DEPDC1B: variants seen among roughly 807,000 people sequenced by gnomAD.
The protein encoded by DEPDC1B is DEP domain containing 1B, also known as DEP domain-containing protein 1B.
DEPDC1B carries 51 observed loss-of-function variants against 66.5 expected under a neutral mutation model. That is an observed-to-expected ratio of 0.77 (90% confidence interval 0.61 to 0.97). The LOEUF (loss-of-function observed/expected upper bound fraction) is 0.97, where lower values mean the gene tolerates loss of function less well. Among genes scored for constraint, DEPDC1B ranks in the 50% least tolerant of loss-of-function variants. DEPDC1B has a pLI of 0.00. For synonymous variants in DEPDC1B, 226 were observed against 223.6 expected (o/e 1.01, Z -0.10); for missense variants, 552 against 637.1 (o/e 0.87, Z 1.44).
chr5:60,620,098 T>C (rs922462999), intron 7 of DEPDC1B, among the ~76,000 whole-genome samples: 4 of 152,220 alleles, frequency 2.6e-5, no homozygotes, highest in Admixed American at 2.6e-4. Context: ...TGTAGAAAGC[T>C]GAAACTAGAT....
At chr5:60,618,789 G>A (rs1469452242) in intron 7 of DEPDC1B, among the ~76,000 whole-genome samples, 2 of 152,218 alleles carry the variant, frequency 1.3e-5, no homozygotes, top group African/African-American at 4.8e-5. Context: ...CTCATTTGAT[G>A]AGGCCAGCAT....
chr5:60,605,804 A>T lies in DEPDC1B; in HGVS notation c.951T>A (p.Leu317=). The change falls in exon 8 of 11, where the codon CTT becomes CTA. Residue 317 remains leucine (L), a synonymous_variant. Transcript: ENST00000265036. The part of the protein sequence containing the change: ...VAVEAFQICC[L]LLPPENRRKL... ...TTCTCCTATTTTCAGGAGGTAGGAG[A>T]AGGCAGCAAATCTGAAATGCTTCAA... 6.2e-7 allele frequency: 1 copy of T among 1,613,524 alleles called. No homozygotes were observed. Among genetic ancestry groups the T allele is most frequent in the Non-Finnish European group, 8.5e-7 (1 of 1,179,726 alleles).
At chr5:60,639,998 G>T (rs1044041934) in intron 6 of DEPDC1B, among the ~76,000 whole-genome samples, 1 of 152,158 alleles carries the variant, frequency 6.6e-6, no homozygotes, top group African/African-American at 2.4e-5. Context: ...AAGCTAAAAA[G>T]GACATTAAAG....
At chr5:60,612,660 T>C (rs1752440010) in intron 7 of DEPDC1B, among the ~76,000 whole-genome samples, 1 of 145,780 alleles carries the variant, frequency 6.9e-6, no homozygotes, top group Admixed American at 7.0e-5. Flanking sequence ...GAAGTATTTA[T>C]AGGTGATAGA....
chr5:60,609,332 G>T lies in DEPDC1B; in HGVS notation c.899-3476C>A, dbSNP rs148516480. 5.2e-4 allele frequency among the ~76,000 whole-genome samples: 79 copies of T among 152,148 alleles called. 1 individual carries two copies. In the East Asian group the frequency reaches 0.015, roughly 28 times the overall value. On this transcript the variant is annotated intron_variant, in intron 7 of 10. Coordinates refer to ENST00000265036, the MANE Select transcript of DEPDC1B (RefSeq NM_018369.3). ...CTGATCCCAGCTGGGACTCCTCTAC[G>T]ATTTCTTCCAACTGTCAACCTTCCT... is the stretch of plus-strand genomic sequence containing the variant.
At chr5:60,606,609 CAAAAAAAAAAAAAA>C (rs60544270) in intron 7 of DEPDC1B, among the ~76,000 whole-genome samples, 25 of 46,626 alleles carry the variant, frequency 5.4e-4, no homozygotes, top group South Asian at 3.8e-3. Flanking sequence ...CCCATTTCTA[CAAAAAAAAAAAAAA>C]AAAAAAAAAA....
At chr5:60,663,262 C>A (rs1419613004) in intron 2 of DEPDC1B, among the ~76,000 whole-genome samples, 1 of 152,184 alleles carries the variant, frequency 6.6e-6, no homozygotes, top group Admixed American at 6.5e-5. Flanking sequence ...CTACCAAAGG[C>A]ATTACCTGCT....
intron 9 of DEPDC1B, among the ~76,000 whole-genome samples, chr5:60,600,135 G>A (rs1249688457): frequency 6.6e-6 from 1 of 152,166 alleles, no homozygotes; most frequent in African/African-American, 2.4e-5. Context: ...GATTCTCAAT[G>A]CCTTGGGGAT....
At chr5:60,678,424 C>T (rs1287602903) in intron 2 of DEPDC1B, among the ~76,000 whole-genome samples, 1 of 151,910 alleles carries the variant, frequency 6.6e-6, no homozygotes, top group Non-Finnish European at 1.5e-5. Flanking sequence ...GGATAAATAC[C>T]CAGGAGTAGG....
At chr5:60,699,926 T>G (rs1207536851) in intron 1 of DEPDC1B, 120 bp downstream of exon 1, 1 of 1,232,042 alleles carries the variant, frequency 8.1e-7, no homozygotes, top group Non-Finnish European at 1.1e-6. Context: ...CCAGCTGAAA[T>G]GCTCCACACC....
At chr5:60,636,317 C>T (rs1238034787) in intron 7 of DEPDC1B, among the ~76,000 whole-genome samples, 1 of 152,118 alleles carries the variant, frequency 6.6e-6, no homozygotes, top group Non-Finnish European at 1.5e-5. Context: ...CTTTAGATGT[C>T]CTATCTCATG....
intron 7 of DEPDC1B, among the ~76,000 whole-genome samples, chr5:60,615,166 T>A (rs1011085469): frequency 1.3e-5 from 2 of 152,092 alleles, no homozygotes; most frequent in Non-Finnish European, 2.9e-5. Context: ...GTAGGGGGGA[T>A]GGAACCAAGA....
chr5:60,610,893 G>A (rs1752402338), intron 7 of DEPDC1B, among the ~76,000 whole-genome samples: 1 of 152,174 alleles, frequency 6.6e-6, no homozygotes, highest in Non-Finnish European at 1.5e-5. Context: ...TTCAGTGAGA[G>A]AACTATCTTT....
At chr5:60,665,098 T>A (rs1420243380) in intron 2 of DEPDC1B, among the ~76,000 whole-genome samples, 3 of 151,952 alleles carry the variant, frequency 2.0e-5, no homozygotes, top group African/African-American at 7.3e-5. Flanking sequence ...TATGGAGTAA[T>A]CCCCTCTGGG....
chr5:60,668,134 ATT>A (rs1491323622), intron 2 of DEPDC1B, among the ~76,000 whole-genome samples: 46 of 69,042 alleles, frequency 6.7e-4, no homozygotes, highest in Admixed American at 7.5e-4. Context: ...TAAAATGGAT[ATT>A]TTATATATAT....
At chr5:60,680,820 T>C (rs1471155033) in intron 2 of DEPDC1B, among the ~76,000 whole-genome samples, 1 of 152,220 alleles carries the variant, frequency 6.6e-6, no homozygotes, top group Non-Finnish European at 1.5e-5. Context: ...GCTTATTCTG[T>C]GTGTTTACTC....
chr5:60,611,411 T>C (rs569938637), intron 7 of DEPDC1B, among the ~76,000 whole-genome samples: 1 of 152,276 alleles, frequency 6.6e-6, no homozygotes, highest in South Asian at 2.1e-4. Flanking sequence ...CTCTAAGTGT[T>C]CAAGTGAAAG....
At position 60,638,741 on chromosome 5, in the gene DEPDC1B, C is replaced by G; in HGVS notation, c.898+9G>C. ...GATGTAGATATATGTTCATTATATT[C>G]CAACTTACCCAGTACACTGACAAAA... On this transcript the variant is annotated intron_variant, in intron 7 of 10. Transcript: ENST00000265036. 6.3e-7 allele frequency: 1 copy of G among 1,598,646 alleles called. No individual in the cohort carries two copies. Among genetic ancestry groups the G allele is most frequent in the Non-Finnish European group, 8.5e-7 (1 of 1,173,928 alleles).
chr5:60,663,705 T>C (rs772327042), intron 2 of DEPDC1B, among the ~76,000 whole-genome samples: 2 of 152,226 alleles, frequency 1.3e-5, no homozygotes, highest in Non-Finnish European at 2.9e-5. Context: ...TCATACTTGG[T>C]CACTCTTGTC....
Sources: allele counts gnomAD v4.1 joint callset (sites outside exome capture counted in the v4.1 genomes callset), GRCh38; gene constraint gnomAD v4.1.1; transcripts MANE v1.5; gene names NCBI Gene and HGNC (gene_info 2026-07-23, HGNC 2026-07-21).